FARP1: variants seen among roughly 807,000 people sequenced by gnomAD.
FARP1 encodes FERM, ARH/RhoGEF and pleckstrin domain protein 1.
Under a neutral mutation model 128.8 loss-of-function variants are expected in FARP1, and 52 were observed. The ratio of observed to expected loss-of-function variants is 0.40; its 90% CI spans 0.32 to 0.51. The LOEUF is 0.51. Among genes scored for constraint, FARP1 ranks in the 20% least tolerant of loss-of-function variants. The pLI, the probability that FARP1 is intolerant of heterozygous loss-of-function variation, is 0.45. For synonymous variants in FARP1, 580 were observed against 551.8 expected, an observed-to-expected ratio of 1.05 and a Z score of -0.72; for missense variants, 1,333 against 1,367.9, an observed-to-expected ratio of 0.97 and a Z score of 0.40.
intron 1 of FARP1, chr13:98,175,821 G>C: frequency 3.9e-6 from 1 of 259,154 alleles, no homozygotes; most frequent in Non-Finnish European, 7.3e-6. Context: ...TAGCAGTGTC[G>C]TCTTCAAGGT....
chr13:98,353,791 G>A (rs1308662621), intron 3 of FARP1, among the ~76,000 whole-genome samples: 1 of 152,216 alleles, frequency 6.6e-6, no homozygotes, highest in Non-Finnish European at 1.5e-5. Flanking sequence ...GGGTTGTATA[G>A]CATTTTATCT....
intron 2 of FARP1, among the ~76,000 whole-genome samples, chr13:98,304,795 G>C (rs1886069947): frequency 6.6e-6 from 1 of 152,206 alleles, no homozygotes; most frequent in South Asian, 2.1e-4. Flanking sequence ...TTGAGACCTT[G>C]TCTGAGCTGG....
At chr13:98,276,705 A>G (rs960795110) in intron 2 of FARP1, among the ~76,000 whole-genome samples, 8 of 152,214 alleles carry the variant, frequency 5.3e-5, no homozygotes, top group African/African-American at 1.9e-4. Context: ...GCGATGGTTT[A>G]AATAGAAGTT....
chr13:98,401,429 C>CACACACACACAA (rs1890765331), intron 13 of FARP1: 10 of 151,820 alleles, frequency 6.6e-5, no homozygotes, highest in Admixed American at 4.6e-4. Flanking sequence ...CACACACACA[C>CACACACACACAA]ACACACACAA....
chr13:98,254,479 A>G (rs1314566011), intron 2 of FARP1, among the ~76,000 whole-genome samples: 1 of 152,212 alleles, frequency 6.6e-6, no homozygotes, highest in Non-Finnish European at 1.5e-5. Context: ...TAGGTGCTCA[A>G]TAAAAAGTGG....
intron 16 of FARP1, among the ~76,000 whole-genome samples, chr13:98,417,543 G>A (rs1891434685): frequency 6.6e-6 from 1 of 151,756 alleles, no homozygotes; most frequent in African/African-American, 2.4e-5. Context: ...GCAGCCAGGA[G>A]GGCAAGGATG....
rs35683663 is a variant in FARP1, at chr13:98,415,878, G to C, written c.1826+3844G>C. On this transcript the variant is annotated intron_variant, in intron 16 of 26. Transcript: ENST00000319562. ...GATCCGAATTCGAGGTCACACCCCC[G>C]CCATGGGGCTGTCTTCAGCTGTAGG... 6.2e-3 allele frequency among the ~76,000 whole-genome samples: 945 copies of C among 152,332 alleles called. 13 individuals are homozygous for C. The highest frequency in any genetic ancestry group is 0.022 in the African/African-American group (902 of 41,582).
intron 5 of FARP1, among the ~76,000 whole-genome samples, chr13:98,373,234 C>T (rs1889425549): frequency 6.6e-6 from 1 of 152,050 alleles, no homozygotes; most frequent in Non-Finnish European, 1.5e-5. Flanking sequence ...ACTGCCCATG[C>T]GTTTGTCCCT....
chr13:98,445,967 C>T (rs546085691), intron 24 of FARP1, 131 bp from the exon 25 acceptor site: 14 of 618,214 alleles, frequency 2.3e-5, no homozygotes, highest in South Asian at 2.0e-4. Flanking sequence ...CACGGGGGAG[C>T]GGGGGTGGGG....
intron 2 of FARP1, among the ~76,000 whole-genome samples, chr13:98,273,095 A>G (rs1321871124): frequency 2.6e-5 from 4 of 152,246 alleles, no homozygotes; most frequent in Admixed American, 6.5e-5. Context: ...AGGTGAAGAC[A>G]TGAATCAATA....
At chr13:98,169,963 T>C (rs961888386) in intron 1 of FARP1, among the ~76,000 whole-genome samples, 3 of 152,162 alleles carry the variant, frequency 2.0e-5, no homozygotes, top group African/African-American at 7.2e-5. Flanking sequence ...CCTTTAAAAT[T>C]TTCCATGTAG....
chr13:98,193,089 ACT>A (rs1421143364), intron 1 of FARP1, among the ~76,000 whole-genome samples: 3 of 144,556 alleles, frequency 2.1e-5, no homozygotes, highest in Non-Finnish European at 4.5e-5. Context: ...ATGGAGTCTC[ACT>A]CTGTTGCCCA....
At chr13:98,375,921 C>A (rs1364752054) in intron 5 of FARP1, among the ~76,000 whole-genome samples, 1 of 152,028 alleles carries the variant, frequency 6.6e-6, no homozygotes, top group Non-Finnish European at 1.5e-5. Flanking sequence ...GCGGCCCCAA[C>A]AGGTAATTGT....
chr13:98,347,831 T>C (rs1482255290), intron 3 of FARP1, among the ~76,000 whole-genome samples: 2 of 152,200 alleles, frequency 1.3e-5, no homozygotes, highest in Non-Finnish European at 2.9e-5. Flanking sequence ...TGCCCAATCA[T>C]AGGGCTGTAA....
chr13:98,348,331 C>T (rs962193548), intron 3 of FARP1, among the ~76,000 whole-genome samples: 2 of 152,214 alleles, frequency 1.3e-5, no homozygotes, highest in African/African-American at 2.4e-5. Flanking sequence ...ATAGATTGAG[C>T]TTTCCATGGC....
Position 98,177,272 on chromosome 13 carries a change from G to A in FARP1, c.-24+33780G>A, listed in dbSNP as rs753861341. 5.0e-5 allele frequency: 75 copies of A among 1,496,558 alleles called. No homozygotes were observed. In the Admixed American group the frequency reaches 1.6e-3, roughly 31 times the overall value. 92.7% of individuals were successfully genotyped at this position (1,496,558 alleles called of 1,614,324 possible). A position where few individuals can be genotyped will look rare whatever the true frequency, so the allele number is the denominator to read the frequency against. On this transcript the variant is annotated intron_variant, in intron 1 of 26. Transcript: ENST00000319562. ...CAGGCTCCCAACGGCCGTGGCGTGC[G>A]TCACCCTTGCGTCGCCCTTGCGTCG...
At chr13:98,275,628 CTTT>C (rs201108793) in intron 2 of FARP1, among the ~76,000 whole-genome samples, 1,272 of 67,052 alleles carry the variant, frequency 0.019, 13 homozygotes, top group East Asian at 0.076. Flanking sequence ...CTCTTTCTCT[CTTT>C]TTTTTTTTTT....
At chr13:98,223,828 C>G (rs1881577980) in intron 2 of FARP1, among the ~76,000 whole-genome samples, 2 of 152,216 alleles carry the variant, frequency 1.3e-5, no homozygotes, top group African/African-American at 2.4e-5. Flanking sequence ...CTCTGTTAAG[C>G]TTGCCACACC....
At chr13:98,172,756 G>A (rs1310827848) in intron 1 of FARP1, among the ~76,000 whole-genome samples, 2 of 152,108 alleles carry the variant, frequency 1.3e-5, no homozygotes, top group South Asian at 2.1e-4. Context: ...CTTGACATTC[G>A]TTTAAAGGAA....
Sources: gnomAD v4.1 joint callset for allele counts (sites outside exome capture counted in the v4.1 genomes callset) on GRCh38, gnomAD v4.1.1 for gene constraint, MANE v1.5 for transcripts, NCBI Gene and HGNC (gene_info 2026-07-23, HGNC 2026-07-21) for gene names.